Variants in CFAP44 observed in about 807,000 individuals in gnomAD.
CFAP44 encodes cilia- and flagella-associated protein 44.
Under a neutral mutation model 216.2 loss-of-function variants are expected in CFAP44, and 134 were observed. The observed-to-expected ratio is 0.62, with a 90% CI of 0.54 to 0.72. The LOEUF (loss-of-function observed/expected upper bound fraction) is 0.72. CFAP44 is among the 30% of genes least tolerant of loss of function. The pLI is 0.00. For synonymous variants in CFAP44, 700 were observed against 727.6 expected (o/e 0.96, Z 0.61); for missense variants, 2,035 against 2,182.1 (o/e 0.93, Z 1.34).
intron 8 of CFAP44, among the ~76,000 whole-genome samples, chr3:113,405,222 A>C (rs1248113616): frequency 6.6e-6 from 1 of 152,014 alleles, no homozygotes; most frequent in Non-Finnish European, 1.5e-5. Context: ...AACCCTACCG[A>C]CTTTACTGAT....
chr3:113,439,435 C>T (rs1935308461), intron 1 of CFAP44, among the ~76,000 whole-genome samples: 1 of 152,194 alleles, frequency 6.6e-6, no homozygotes, highest in Admixed American at 6.5e-5. Flanking sequence ...GCCTGTCCAA[C>T]CTCAGACTAG....
rs1559910282 is a variant in CFAP44, at chr3:113,320,422, T to TTG, written c.4516+6022_4516+6023insCA. Among the ~76,000 whole-genome samples, 1,201 of 145,256 alleles carry TTG rather than the reference T, an allele frequency of 8.3e-3. 18 individuals are homozygous for TTG. Among genetic ancestry groups the TTG allele is most frequent in the African/African-American group, 0.029 (1,148 of 39,780 alleles). ...GGAGCAGATATATACATGATATATA[T>TTG]ATGATATATATTGATATATATGATA... On this transcript the variant is annotated intron_variant, in intron 28 of 34. Coordinates refer to ENST00000393845, the MANE Select transcript of CFAP44 (RefSeq NM_001164496.2).
intron 22 of CFAP44, among the ~76,000 whole-genome samples, chr3:113,346,481 C>T (rs1411930001): frequency 6.6e-6 from 1 of 151,998 alleles, no homozygotes; most frequent in Non-Finnish European, 1.5e-5. Flanking sequence ...CACCAATCAG[C>T]ACTCTGTAAA....
At chr3:113,331,925 G>A (rs1465041083) in intron 25 of CFAP44, among the ~76,000 whole-genome samples, 1 of 152,118 alleles carries the variant, frequency 6.6e-6, no homozygotes, top group Non-Finnish European at 1.5e-5. Flanking sequence ...ATGTCTTATT[G>A]TTAATTGGTA....
At chr3:113,382,502 T>C (rs982387160) in intron 15 of CFAP44, among the ~76,000 whole-genome samples, 4 of 152,028 alleles carry the variant, frequency 2.6e-5, no homozygotes, top group South Asian at 2.1e-4. Context: ...TAGAGAAATA[T>C]GGTAGTAGCT....
intron 1 of CFAP44, among the ~76,000 whole-genome samples, chr3:113,439,789 C>T (rs1377385083): frequency 2.6e-5 from 4 of 152,194 alleles, no homozygotes; most frequent in African/African-American, 9.6e-5. Flanking sequence ...TACTCTGATT[C>T]ATTCACCAGA....
intron 4 of CFAP44, among the ~76,000 whole-genome samples, chr3:113,422,062 T>C (rs956027990): frequency 7.9e-5 from 11 of 139,956 alleles, no homozygotes; most frequent in African/African-American, 2.5e-4. Context: ...ATTGTTAGTA[T>C]GTTTAAGTCA....
intron 22 of CFAP44, among the ~76,000 whole-genome samples, chr3:113,346,570 A>G (rs1019249244): frequency 3.3e-5 from 5 of 152,066 alleles, no homozygotes; most frequent in African/African-American, 1.2e-4. Flanking sequence ...CGCACCAATC[A>G]GCACTCTGGG....
intron 1 of CFAP44, among the ~76,000 whole-genome samples, chr3:113,439,214 T>C (rs1166500671): frequency 2.0e-5 from 3 of 152,108 alleles, no homozygotes; most frequent in Non-Finnish European, 4.4e-5. Context: ...CAGTTTTGAG[T>C]TGTAAAAGTT....
intron 28 of CFAP44, among the ~76,000 whole-genome samples, chr3:113,325,963 T>C (rs1346386539): frequency 6.6e-6 from 1 of 152,132 alleles, no homozygotes; most frequent in African/African-American, 2.4e-5. Context: ...GACAACCTTT[T>C]CAACAAATGA....
At chr3:113,361,637 A>G (rs932302957) in intron 21 of CFAP44, among the ~76,000 whole-genome samples, 5 of 151,420 alleles carry the variant, frequency 3.3e-5, no homozygotes, top group Admixed American at 2.0e-4. Context: ...CTGGGACTAC[A>G]GGCACCCACC....
intron 22 of CFAP44, among the ~76,000 whole-genome samples, chr3:113,349,329 AG>A (rs1302525447): frequency 1.3e-5 from 2 of 152,234 alleles, no homozygotes; most frequent in African/African-American, 4.8e-5. Context: ...TCCAAAAGCT[AG>A]CCCTGGGCCC....
intron 1 of CFAP44, among the ~76,000 whole-genome samples, chr3:113,439,801 T>C (rs536107735): frequency 5.9e-4 from 90 of 152,276 alleles, no homozygotes; most frequent in African/African-American, 1.9e-3. Context: ...TTCACCAGAG[T>C]CCAGGTTCTG....
At chr3:113,351,005 G>C (rs966061269) in intron 22 of CFAP44, among the ~76,000 whole-genome samples, 4 of 152,124 alleles carry the variant, frequency 2.6e-5, no homozygotes. Context: ...GCGATTGAGG[G>C]AAAAAGACTC....
intron 22 of CFAP44, among the ~76,000 whole-genome samples, chr3:113,347,379 G>C (rs1281597207): frequency 6.6e-6 from 1 of 152,094 alleles, no homozygotes; most frequent in Middle Eastern, 3.2e-3. Flanking sequence ...CCCAAGCAAG[G>C]CTCACCTGTC....
intron 28 of CFAP44, among the ~76,000 whole-genome samples, chr3:113,312,955 G>A (rs1950054091): frequency 6.6e-6 from 1 of 152,170 alleles, no homozygotes. Context: ...GGGCAGTGTG[G>A]ATGGGAAATG....
At chr3:113,391,312 CT>C (rs1251833999) in intron 15 of CFAP44, among the ~76,000 whole-genome samples, 1 of 152,138 alleles carries the variant, frequency 6.6e-6, no homozygotes, top group Non-Finnish European at 1.5e-5. Context: ...AAAATGACCC[CT>C]ATCTCTTGCT....
At chr3:113,292,869 G>A (rs752285704) in intron 34 of CFAP44, among the ~76,000 whole-genome samples, 21 of 152,166 alleles carry the variant, frequency 1.4e-4, no homozygotes, top group Non-Finnish European at 3.1e-4. Context: ...GAGCTAAGTG[G>A]ATATAATCTG....
rs187649755 is a variant in CFAP44, at chr3:113,301,191, G to A, written c.5077+2725C>T. On this transcript the variant is annotated intron_variant, in intron 32 of 34. Coordinates refer to ENST00000393845, the MANE Select transcript of CFAP44 (RefSeq NM_001164496.2). ...AAACAACAGCTATATGCTATATTAC[G>A]TCTACTCTTATGAATATAATATTAA... Among the ~76,000 whole-genome samples the A allele has an allele frequency of 4.6e-5, 7 of 152,060 alleles. No homozygotes were observed. The East Asian group carries it at 5.8e-4, about 13-fold the overall frequency.
Sources: gnomAD v4.1 joint callset for allele counts (sites outside exome capture counted in the v4.1 genomes callset) on GRCh38, gnomAD v4.1.1 for gene constraint, MANE v1.5 for transcripts, NCBI Gene and HGNC (gene_info 2026-07-23, HGNC 2026-07-21) for gene names.